The following CDH13 variants were observed in gnomAD, a reference collection of about 807,000 sequenced individuals.
CDH13 encodes the protein cadherin-13.
CDH13 carries 24 observed loss-of-function variants against 63.8 expected under a neutral mutation model. The ratio of observed to expected loss-of-function variants is 0.38; its 90% CI spans 0.27 to 0.53. The LOEUF (loss-of-function observed/expected upper bound fraction) is 0.53. Ranked by LOEUF, CDH13 falls within the 20% of genes least tolerant of loss-of-function variation. The probability of loss-of-function intolerance (pLI) is 0.85; values close to 1 mark genes in which losing one functional copy is unlikely to be tolerated. For synonymous variants in CDH13, 503 were observed against 355.3 expected (o/e 1.42, Z -4.67); for missense variants, 1,049 against 903.1 (o/e 1.16, Z -2.07).
chr16:83,111,917 A>G (rs1016490425), intron 3 of CDH13, among the ~76,000 whole-genome samples: 18 of 152,202 alleles, frequency 1.2e-4, no homozygotes, highest in African/African-American at 3.4e-4. Flanking sequence ...TGCATGTTAA[A>G]TACATATTTA....
chr16:83,061,837 G>T (rs1478800021), intron 3 of CDH13, among the ~76,000 whole-genome samples: 5 of 152,322 alleles, frequency 3.3e-5, no homozygotes, highest in Non-Finnish European at 4.4e-5. Flanking sequence ...TTCAACTTCA[G>T]ATGGTCAATG....
At chr16:83,405,150 CTT>C (rs972388232) in intron 6 of CDH13, among the ~76,000 whole-genome samples, 1 of 151,316 alleles carries the variant, frequency 6.6e-6, no homozygotes, top group African/African-American at 2.4e-5. Context: ...AAAAAAAAAT[CTT>C]AACAATTCTA....
intron 8 of CDH13, among the ~76,000 whole-genome samples, chr16:83,653,087 G>T (rs1005889229): frequency 1.3e-5 from 2 of 152,148 alleles, no homozygotes; most frequent in Non-Finnish European, 2.9e-5. Context: ...TCTATGAAAT[G>T]TCCAGAACAG....
intron 7 of CDH13, among the ~76,000 whole-genome samples, chr16:83,520,644 G>A (rs139460025): frequency 7.4e-4 from 113 of 152,226 alleles, no homozygotes; most frequent in African/African-American, 2.5e-3. Flanking sequence ...TATGTTTGCC[G>A]CTCAATTGCC....
At chr16:82,653,452 A>C (rs1910958998) in intron 1 of CDH13, among the ~76,000 whole-genome samples, 1 of 152,190 alleles carries the variant, frequency 6.6e-6, no homozygotes, top group Non-Finnish European at 1.5e-5. Context: ...TGGGGAATAT[A>C]TTTGACTTGG....
intron 3 of CDH13, among the ~76,000 whole-genome samples, chr16:83,102,006 T>A (rs552301641): frequency 6.6e-6 from 1 of 152,178 alleles, no homozygotes; most frequent in Non-Finnish European, 1.5e-5. Flanking sequence ...TTTTGGATTA[T>A]GTTGATGGGT....
chr16:82,754,912 T>C (rs1275323950), intron 1 of CDH13, among the ~76,000 whole-genome samples: 1 of 152,240 alleles, frequency 6.6e-6, no homozygotes, highest in East Asian at 1.9e-4. Flanking sequence ...ACTAGGTTTC[T>C]ATAATTGACC....
chr16:83,438,899 A>G (rs1040179254), intron 6 of CDH13, among the ~76,000 whole-genome samples: 3 of 152,236 alleles, frequency 2.0e-5, no homozygotes, highest in Non-Finnish European at 2.9e-5. Flanking sequence ...ACTATTGGGA[A>G]TGTTAATCAT....
chr16:83,734,311 A>C (rs913237374), intron 10 of CDH13, among the ~76,000 whole-genome samples: 1 of 152,170 alleles, frequency 6.6e-6, no homozygotes, highest in African/African-American at 2.4e-5. Flanking sequence ...GACAAGACAA[A>C]AGCCAGGGAA....
chr16:83,043,369 G>A (rs1052535492), intron 3 of CDH13, among the ~76,000 whole-genome samples: 46 of 152,078 alleles, frequency 3.0e-4, no homozygotes, highest in African/African-American at 1.1e-3. Flanking sequence ...TTATACAGGA[G>A]CATGGTCCAA....
chr16:83,794,464 G>T (rs1007640668), intron 13 of CDH13, among the ~76,000 whole-genome samples: 10 of 152,110 alleles, frequency 6.6e-5, no homozygotes, highest in Admixed American at 5.2e-4. Flanking sequence ...AAGGTGGGAG[G>T]ATCGCTTGAG....
Position 83,363,015 on chromosome 16 carries a change from A to T in CDH13, c.781+18009A>T, listed in dbSNP as rs75645196. ...CCGGCTATGCCTTGTCCTAATTGCA[A>T]CTCAAAGGATAAGGTCAAACTACAT... On this transcript the variant is annotated intron_variant, in intron 6 of 13. Transcript: ENST00000567109. Among the ~76,000 whole-genome samples, 10 of 152,326 alleles carry T rather than the reference A, an allele frequency of 6.6e-5. 1 individual carries two copies. In the East Asian group the frequency reaches 1.9e-3, roughly 29 times the overall value.
intron 1 of CDH13, among the ~76,000 whole-genome samples, chr16:82,792,532 A>G (rs2036364480): frequency 6.6e-6 from 1 of 152,132 alleles, no homozygotes; most frequent in African/African-American, 2.4e-5. Flanking sequence ...GTTCTCTCCA[A>G]GTCATTGACC....
chr16:82,889,043 T>A (rs1026851147), intron 2 of CDH13, among the ~76,000 whole-genome samples: 2 of 152,196 alleles, frequency 1.3e-5, no homozygotes, highest in Non-Finnish European at 2.9e-5. Flanking sequence ...TGGCTGACCA[T>A]GTTGATAAGC....
chr16:83,549,251 C>G (rs1375998883), intron 7 of CDH13, among the ~76,000 whole-genome samples: 1 of 152,182 alleles, frequency 6.6e-6, no homozygotes, highest in Non-Finnish European at 1.5e-5. Context: ...GAGTTGGTTC[C>G]GAGAAAACAT....
chr16:82,804,368 A>T (rs1159209044), intron 1 of CDH13, among the ~76,000 whole-genome samples: 1 of 152,040 alleles, frequency 6.6e-6, no homozygotes, highest in Non-Finnish European at 1.5e-5. Flanking sequence ...TGATGGATAT[A>T]TTTACTACCT....
chr16:83,045,110 G>A (rs140710237), intron 3 of CDH13, among the ~76,000 whole-genome samples: 23 of 152,124 alleles, frequency 1.5e-4, no homozygotes, highest in African/African-American at 4.1e-4. Context: ...CCGGCTTTGC[G>A]GTCGGCATGA....
intron 1 of CDH13, among the ~76,000 whole-genome samples, chr16:82,794,945 A>G (rs934309263): frequency 2.6e-4 from 40 of 152,176 alleles, no homozygotes; most frequent in Admixed American, 1.4e-3. Context: ...GGGTTGGTCT[A>G]CGAAAACCAT....
At chr16:82,929,849 A>G (rs1206921293) in intron 2 of CDH13, among the ~76,000 whole-genome samples, 2 of 151,568 alleles carry the variant, frequency 1.3e-5, no homozygotes, top group African/African-American at 4.9e-5. Context: ...AGACCAAGAA[A>G]CATACCTGTA....
Sources: allele counts gnomAD v4.1 joint callset (sites outside exome capture counted in the v4.1 genomes callset), GRCh38; gene constraint gnomAD v4.1.1; transcripts MANE v1.5; gene names NCBI Gene and HGNC (gene_info 2026-07-23, HGNC 2026-07-21).